GRID2: variants seen among roughly 807,000 people sequenced by gnomAD.
GRID2 encodes the protein glutamate receptor ionotropic, delta-2.
Under a neutral mutation model 114.8 loss-of-function variants are expected in GRID2, and 33 were observed. The ratio of observed to expected loss-of-function variants is 0.29; its 90% CI spans 0.22 to 0.38. The LOEUF is 0.38. Among genes scored for constraint, GRID2 ranks in the 10% least tolerant of loss-of-function variants. GRID2 has a pLI of 1.00. For synonymous variants in GRID2, 505 were observed against 449.9 expected, an observed-to-expected ratio of 1.12 and a Z score of -1.55; for missense variants, 1,184 against 1,257.7, an observed-to-expected ratio of 0.94 and a Z score of 0.89.
chr4:93,527,759 A>G (rs930230456), intron 13 of GRID2, among the ~76,000 whole-genome samples: 2 of 152,172 alleles, frequency 1.3e-5, no homozygotes, highest in Non-Finnish European at 2.9e-5. Context: ...TGTACAGTTT[A>G]GTAGCATTAA....
intron 13 of GRID2, among the ~76,000 whole-genome samples, chr4:93,553,855 A>G (rs1273045380): frequency 1.3e-5 from 2 of 152,164 alleles, no homozygotes; most frequent in Non-Finnish European, 2.9e-5. Flanking sequence ...TAATCTTCTT[A>G]ATCATGTGTC....
chr4:93,497,342 C>T (rs533514585), intron 12 of GRID2, among the ~76,000 whole-genome samples: 3 of 151,800 alleles, frequency 2.0e-5, no homozygotes, highest in African/African-American at 7.2e-5. Context: ...TAGGGTTCAT[C>T]ATAGAACAAA....
intron 2 of GRID2, among the ~76,000 whole-genome samples, chr4:92,697,851 T>C (rs1195900777): frequency 2.0e-5 from 3 of 152,006 alleles, no homozygotes; most frequent in Non-Finnish European, 4.4e-5. Flanking sequence ...AAACCATCAA[T>C]GGAGTGTATC....
chr4:92,435,748 C>G (rs867480762), intron 1 of GRID2, among the ~76,000 whole-genome samples: 1 of 152,176 alleles, frequency 6.6e-6, no homozygotes, highest in Non-Finnish European at 1.5e-5. Flanking sequence ...AAGACTAACT[C>G]ATTGTGAGGA....
chr4:92,850,704 A>C (rs1221048717), intron 2 of GRID2, among the ~76,000 whole-genome samples: 1 of 151,972 alleles, frequency 6.6e-6, no homozygotes, highest in African/African-American at 2.4e-5. Flanking sequence ...ATTTTATTAC[A>C]ATATAGCAAG....
intron 3 of GRID2, among the ~76,000 whole-genome samples, chr4:93,101,501 CT>C (rs1475106973): frequency 6.6e-6 from 1 of 152,018 alleles, no homozygotes; most frequent in African/African-American, 2.4e-5. Flanking sequence ...TGAGAAATAT[CT>C]GCTTAGATGC....
intron 1 of GRID2, among the ~76,000 whole-genome samples, chr4:92,577,072 G>A (rs1472025650): frequency 6.6e-6 from 1 of 152,130 alleles, no homozygotes; most frequent in African/African-American, 2.4e-5. Context: ...ATAGGCTTCA[G>A]AAGCATAGCA....
chr4:93,801,474 CAG>C (rs1445546375), intron 1 of GRID2, among the ~76,000 whole-genome samples: 1 of 151,814 alleles, frequency 6.6e-6, no homozygotes, highest in Non-Finnish European at 1.5e-5. Flanking sequence ...TGTGAGTAAA[CAG>C]AGACTTCTAA....
chr4:93,013,415 T>C (rs11097354), intron 2 of GRID2, among the ~76,000 whole-genome samples: 61,964 of 151,676 alleles, frequency 0.41, 12,968 homozygotes, highest in Middle Eastern at 0.55. Context: ...CGGAACTTCT[T>C]AAAGATTTCA....
rs191104557 is a variant in GRID2 at position 93,104,048 on chromosome 4, C to T, written c.530-6700C>T. On this transcript the variant is annotated intron_variant, in intron 3 of 15. Coordinates refer to ENST00000282020, the MANE Select transcript of GRID2 (RefSeq NM_001510.4). Reference sequence around the variant, plus strand: ...TTTTCAGCCCCCAACTTTCTCTCCCCGGCTAGTAGTCTTTGGTGTCTATTG... The same window carrying T: ...TTTTCAGCCCCCAACTTTCTCTCCCTGGCTAGTAGTCTTTGGTGTCTATTG... Among the ~76,000 whole-genome samples the T allele has an allele frequency of 6.9e-4, 105 of 151,998 alleles. 1 individual carries two copies. Among genetic ancestry groups the T allele is most frequent in the Non-Finnish European group, 7.8e-4 (53 of 67,992 alleles).
At chr4:92,715,195 A>G (rs1735477814) in intron 2 of GRID2, among the ~76,000 whole-genome samples, 1 of 152,188 alleles carries the variant, frequency 6.6e-6, no homozygotes, top group South Asian at 2.1e-4. Flanking sequence ...GCAAAATGCC[A>G]TCAGTCTGTC....
chr4:92,460,749 A>G (rs1201197043), intron 1 of GRID2, among the ~76,000 whole-genome samples: 3 of 152,120 alleles, frequency 2.0e-5, no homozygotes, highest in Admixed American at 6.6e-5. Context: ...TGAATTGGAA[A>G]TATATCTCCT....
chr4:93,460,776 T>C (rs1229389686), intron 11 of GRID2, among the ~76,000 whole-genome samples: 1 of 152,138 alleles, frequency 6.6e-6, no homozygotes, highest in Non-Finnish European at 1.5e-5. Flanking sequence ...ATTTTGTTTA[T>C]TAGATTATAG....
chr4:92,476,026 T>C (rs936038040), intron 1 of GRID2, among the ~76,000 whole-genome samples: 32 of 147,824 alleles, frequency 2.2e-4, no homozygotes, highest in Non-Finnish European at 1.5e-4. Context: ...AGTGCTTCTT[T>C]TTTTTTTTTT....
At chr4:93,569,958 G>A (rs1165291068) in intron 13 of GRID2, among the ~76,000 whole-genome samples, 2 of 152,066 alleles carry the variant, frequency 1.3e-5, no homozygotes, top group African/African-American at 2.4e-5. Flanking sequence ...ACATTAACTT[G>A]TTTGCTTTTG....
intron 13 of GRID2, among the ~76,000 whole-genome samples, chr4:93,604,308 C>T (rs192567929): frequency 2.0e-5 from 3 of 152,094 alleles, no homozygotes; most frequent in South Asian, 4.1e-4. Flanking sequence ...GTGATAGAAA[C>T]GGTAAGAGAA....
chr4:92,685,262 G>A (rs1421799654), intron 2 of GRID2, among the ~76,000 whole-genome samples: 4 of 152,062 alleles, frequency 2.6e-5, no homozygotes, highest in Non-Finnish European at 5.9e-5. Flanking sequence ...GAGGGATTGA[G>A]AAATCAGTTG....
intron 8 of GRID2, chr4:93,319,934 C>T (rs548116289): frequency 6.6e-6 from 1 of 152,112 alleles, no homozygotes; most frequent in South Asian, 2.1e-4. Context: ...AGCAAACCAT[C>T]CAGGCTGCCC....
intron 13 of GRID2, among the ~76,000 whole-genome samples, chr4:93,617,583 T>G (rs113239174): frequency 1.4e-4 from 22 of 152,326 alleles, no homozygotes; most frequent in African/African-American, 5.3e-4. Context: ...CATTTAGCCT[T>G]ATTTTTCAGC....
Sources: gnomAD v4.1 joint callset for allele counts (sites outside exome capture counted in the v4.1 genomes callset) on GRCh38, gnomAD v4.1.1 for gene constraint, MANE v1.5 for transcripts, NCBI Gene and HGNC (gene_info 2026-07-23, HGNC 2026-07-21) for gene names.